CHD1: variants seen among roughly 807,000 people sequenced by gnomAD.
CHD1 encodes chromodomain helicase DNA binding protein 1.
CHD1 carries 36 observed loss-of-function variants against 224.2 expected under a neutral mutation model. That is an observed-to-expected ratio of 0.16 (90% CI 0.12 to 0.21). The LOEUF is 0.21. CHD1 is among the 10% of genes least tolerant of loss of function. CHD1 has a pLI of 1.00. For missense variants in CHD1, 1,378 were observed against 1,994.8 expected (o/e 0.69, Z 5.89); for synonymous variants, 668 against 658.3 (o/e 1.01, Z -0.23).
At chr5:98,885,553 T>G (rs769146705) in intron 18 of CHD1, 25 bp downstream of exon 18, 47 of 1,401,416 alleles carry the variant, frequency 3.4e-5, no homozygotes, top group Non-Finnish European at 4.5e-5. Context: ...AAATTATTTA[T>G]AATTTTAAAA....
Position 98,901,302 on chromosome 5 carries a change from T to C in CHD1, c.471A>G (p.Pro157=). The change falls in exon 6 of 36, where the codon CCA becomes CCG. Residue 157 remains proline (P), a synonymous_variant. Transcript: ENST00000614616. Reference sequence around the variant, plus strand: ...ATTCTGAATCTGAACCAGACTGAGATGGAGATCCTGACCCAGACATTTGCC... The same window carrying C: ...ATTCTGAATCTGAACCAGACTGAGACGGAGATCCTGACCCAGACATTTGCC... The part of the protein sequence containing the change: ...EDWQMSGSGS[P]SQSGSDSESE... 6.2e-7 allele frequency: 1 copy of C among 1,612,764 alleles called. No homozygotes were observed. Among genetic ancestry groups the C allele is most frequent in the Non-Finnish European group, 8.5e-7 (1 of 1,179,654 alleles).
intron 31 of CHD1, among the ~76,000 whole-genome samples, chr5:98,866,719 T>C (rs954297669): frequency 9.2e-5 from 14 of 152,184 alleles, no homozygotes; most frequent in African/African-American, 3.4e-4. Flanking sequence ...AATTTGTGTA[T>C]ATTGTAACTA....
chr5:98,916,561 A>C (rs1167267798), intron 2 of CHD1, among the ~76,000 whole-genome samples: 1 of 151,566 alleles, frequency 6.6e-6, no homozygotes, highest in Non-Finnish European at 1.5e-5. Context: ...AAAAAAAAAA[A>C]AAAAAAAAAG....
intron 24 of CHD1, among the ~76,000 whole-genome samples, chr5:98,876,187 G>T (rs781766792): frequency 1.2e-4 from 19 of 152,158 alleles, no homozygotes; most frequent in Non-Finnish European, 1.9e-4. Flanking sequence ...GCAGTTTAGC[G>T]ATAAATAAAT....
chr5:98,883,839 ATATATATATATATATATATATATTT>A (rs1750386409), intron 18 of CHD1: 4 of 47,268 alleles, frequency 8.5e-5, no homozygotes, highest in South Asian at 9.7e-4. Flanking sequence ...ATATATATAT[ATATATATATATATATATATATATTT>A]TTTTTTTTTT....
At position 98,897,336 on chromosome 5, in the gene CHD1, A is replaced by G; in HGVS notation, c.1366-16T>C. ...GTTTTAATACCTTTAGTAGAAATAA[A>G]CATTATTATGTAGAGTTATTAAATA... On this transcript the variant is annotated splice_polypyrimidine_tract_variant and intron_variant, in intron 10 of 35. Coordinates refer to ENST00000614616, the MANE Select transcript of CHD1 (RefSeq NM_001270.4). The G allele has an allele frequency of 6.5e-7, 1 of 1,538,168 alleles. No homozygotes were observed. The highest frequency in any genetic ancestry group is 8.9e-7 in the Non-Finnish European group (1 of 1,124,574).
At chr5:98,922,139 G>A (rs1753138258) in intron 2 of CHD1, among the ~76,000 whole-genome samples, 1 of 151,900 alleles carries the variant, frequency 6.6e-6, no homozygotes, top group African/African-American at 2.4e-5. Context: ...GCAACAGTGA[G>A]ACTCCATCTC....
chr5:98,895,005 G>A (rs1363033694), intron 12 of CHD1, among the ~76,000 whole-genome samples: 1 of 151,966 alleles, frequency 6.6e-6, no homozygotes, highest in Non-Finnish European at 1.5e-5. Context: ...ATTTTTAGTA[G>A]AGACAGGGTA....
In CHD1 at chr5:98,879,620, C is replaced by T; in HGVS notation, c.3169G>A (p.Glu1057Lys). 6.2e-7 allele frequency: 1 copy of T among 1,607,476 alleles called. No individual in the cohort carries two copies. Among genetic ancestry groups the T allele is most frequent in the Non-Finnish European group, 8.5e-7 (1 of 1,177,304 alleles). The change falls in exon 23 of 36, where the codon GAA becomes AAA. Residue 1057 changes from glutamate (E) to lysine (K), a missense_variant. Around this residue, in one of 16 missense-constraint regions of CHD1, gnomAD observed 286 missense variants for 445.1 expected, o/e 0.64. Transcript: ENST00000614616. ...TCAAGTTCCTTTTGTCTTTCTTCTT[C>T]TTCTAATCGTCTTCTTTGATCTTCT... ...IPEDQRRRLE[E>K]EERQKELEEI...
chr5:98,863,449 T>G lies in CHD1; in HGVS notation c.4386A>C (p.Leu1462=). ...IKIGDHITEC[L]KEYTNPEQIK... ...TTTGTTCAGGATTTGTATACTCTTT[T>G]AGACATTCTGTGATATGGTCTCCAA... The change falls in exon 32 of 36, where the codon CTA becomes CTC. Residue 1462 remains leucine, a synonymous_variant. Transcript: ENST00000614616. 1 of 1,601,666 alleles carries G rather than the reference T, an allele frequency of 6.2e-7. No individual in the cohort carries two copies. Among genetic ancestry groups the G allele is most frequent in the East Asian group, 2.2e-5 (1 of 44,664 alleles).
At chr5:98,919,916 C>CA (rs1561279628) in intron 2 of CHD1, among the ~76,000 whole-genome samples, 1 of 151,784 alleles carries the variant, frequency 6.6e-6, no homozygotes, top group South Asian at 2.1e-4. Flanking sequence ...TGCCATTCTC[C>CA]AAAAAAATGG....
intron 3 of CHD1, 49 bp from the exon 4 acceptor site, chr5:98,903,957 CA>C (rs945023685): frequency 1.6e-5 from 18 of 1,151,354 alleles, no homozygotes; most frequent in African/African-American, 3.1e-5. Context: ...AAGAAAACTG[CA>C]AAAAAAGGTT....
At position 98,888,210 on chromosome 5, in the gene CHD1, G is replaced by T. The variant is rs758876162; in HGVS notation, c.2374C>A (p.Leu792Ile). The T allele has an allele frequency of 6.2e-7, 1 of 1,609,668 alleles. No homozygotes were observed. The highest frequency in any genetic ancestry group is 8.5e-7 in the Non-Finnish European group (1 of 1,178,048). The change falls in exon 17 of 36, where the codon CTT becomes ATT. Residue 792 changes from leucine to isoleucine, a missense_variant. Leu to Ile is a conservative substitution (Grantham distance 5). Coordinates refer to ENST00000614616, the MANE Select transcript of CHD1 (RefSeq NM_001270.4). The part of the protein sequence containing the change: ...HLIRSSGKLI[L>I]LDKLLIRLRE... ...AGGCGAATTAATAGCTTGTCAAGAA[G>T]AATCAATTTTCCGCTACTACGAATT... is the stretch of plus-strand genomic sequence containing the variant.
chr5:98,889,778 T>C (rs1750890413), intron 15 of CHD1: 1 of 152,222 alleles, frequency 6.6e-6, no homozygotes. Flanking sequence ...AATACAGAGA[T>C]TAGAATGGTC....
intron 18 of CHD1, chr5:98,883,854 TA>T (rs1750410395): frequency 3.0e-4 from 10 of 33,872 alleles, no homozygotes; most frequent in Admixed American, 1.1e-3. Context: ...TATATATATA[TA>T]TATATATTTT....
chr5:98,869,812 T>C lies in CHD1; in HGVS notation c.4049A>G (p.Glu1350Gly). ...CAGAGGAGAAGAATCACTCTTTATT[T>C]CCTCTTTCACTTTTATAGACTTCAT... ...KAMKSIKVKE[E>G]IKSDSSPLPS... Residue 1350 changes from glutamate (E) to glycine (G), a missense_variant, in exon 30 of 36, where the codon GAA (glutamate) becomes GGA (glycine). Around this residue, in one of 16 missense-constraint regions of CHD1, gnomAD observed 105 missense variants for 93.4 expected, o/e 1.12. Transcript: ENST00000614616. The C allele has an allele frequency of 6.2e-7, 1 of 1,612,268 alleles. No homozygotes were observed. The highest frequency in any genetic ancestry group is 8.5e-7 in the Non-Finnish European group (1 of 1,178,422).
Position 98,899,572 on chromosome 5 carries a change from A to G in CHD1, c.993T>C (p.Thr331=). 1 of 1,613,480 alleles carries G rather than the reference A, an allele frequency of 6.2e-7. No individual in the cohort carries two copies. Among genetic ancestry groups the G allele is most frequent in the Non-Finnish European group, 8.5e-7 (1 of 1,179,740 alleles). The change falls in exon 8 of 36, where the codon ACT becomes ACC. Residue 331 remains threonine (T), a synonymous_variant. Coordinates refer to ENST00000614616, the MANE Select transcript of CHD1 (RefSeq NM_001270.4). ...GCTTGAGGGTTTCTTCTGTCTCCCA[A>G]GTGTTGTGGATATGGGACCATCCTT... The part of the protein sequence containing the change: ...KWKGWSHIHN[T]WETEETLKQQ...
At chr5:98,879,042 G>A (rs1002208167) in intron 23 of CHD1, among the ~76,000 whole-genome samples, 3 of 152,128 alleles carry the variant, frequency 2.0e-5, no homozygotes, top group Non-Finnish European at 2.9e-5. Flanking sequence ...GACCAGCCTG[G>A]ACAACATGGT....
intron 33 of CHD1, 49 bp downstream of exon 33, chr5:98,859,923 A>T: frequency 1.1e-6 from 1 of 949,434 alleles, no homozygotes; most frequent in African/African-American, 1.7e-5. Context: ...AGAATGTCTC[A>T]AGGTTTTAAT....
Sources: gnomAD v4.1 joint callset for allele counts (sites outside exome capture counted in the v4.1 genomes callset) on GRCh38, gnomAD v4.1.1 for gene constraint, gnomAD v4.1.1 regional missense constraint, MANE v1.5 for transcripts, NCBI Gene and HGNC (gene_info 2026-07-23, HGNC 2026-07-21) for gene names.